The following MTMR7 variants were observed in gnomAD, a reference collection of about 807,000 sequenced individuals.
MTMR7 encodes myotubularin related protein 7, also known as phosphatidylinositol-3-phosphate phosphatase MTMR7.
In MTMR7, 76 loss-of-function variants were observed where a neutral mutation model predicts 81.2. The ratio of observed to expected loss-of-function variants is 0.94; its 90% confidence interval spans 0.78 to 1.13. The LOEUF is 1.13. Ranked by LOEUF, MTMR7 falls within the 50% of genes most tolerant of loss-of-function variation. The pLI, the probability that MTMR7 is intolerant of heterozygous loss-of-function variation, is 0.00. For missense variants in MTMR7, 1,044 were observed against 820.0 expected, an observed-to-expected ratio of 1.27 and a Z score of -3.34; for synonymous variants, 372 against 289.8, an observed-to-expected ratio of 1.28 and a Z score of -2.88.
At chr8:17,315,058 TGA>T (rs1817991082) in intron 7 of MTMR7, among the ~76,000 whole-genome samples, 1 of 152,240 alleles carries the variant, frequency 6.6e-6, no homozygotes, top group South Asian at 2.1e-4. Flanking sequence ...AGCCGTGGGC[TGA>T]GAGTTCCCAA....
At chr8:17,387,383 A>C (rs1171845608) in intron 1 of MTMR7, among the ~76,000 whole-genome samples, 2 of 152,206 alleles carry the variant, frequency 1.3e-5, no homozygotes, top group African/African-American at 4.8e-5. Context: ...TAGACTCACA[A>C]TCCAAGAAGT....
chr8:17,373,011 G>A, intron 2 of MTMR7, 107 bp downstream of exon 2: 1 of 1,361,802 alleles, frequency 7.3e-7, no homozygotes, highest in Non-Finnish European at 1.0e-6. Context: ...CCAACATCCA[G>A]GCACAAAAGC....
At chr8:17,340,258 T>G (rs1044681256) in intron 6 of MTMR7, among the ~76,000 whole-genome samples, 1 of 152,186 alleles carries the variant, frequency 6.6e-6, no homozygotes, top group African/African-American at 2.4e-5. Flanking sequence ...CAGCCCCAAT[T>G]CTTTTAACAA....
chr8:17,367,868 G>GT (rs113430159), intron 3 of MTMR7, among the ~76,000 whole-genome samples: 7,819 of 128,932 alleles, frequency 0.061, 633 homozygotes, highest in African/African-American at 0.2. Flanking sequence ...AAGGTTTGGG[G>GT]TTTTTTTTTT....
intron 1 of MTMR7, among the ~76,000 whole-genome samples, chr8:17,391,712 G>C (rs1821114485): frequency 2.6e-5 from 4 of 152,168 alleles, no homozygotes; most frequent in Admixed American, 2.6e-4. Context: ...GCCCTAAGGA[G>C]TAAAATTTAC....
intron 8 of MTMR7, among the ~76,000 whole-genome samples, chr8:17,313,087 A>G (rs955308572): frequency 1.3e-5 from 2 of 152,374 alleles, no homozygotes; most frequent in Admixed American, 6.5e-5. Context: ...CCATTTGATC[A>G]CAGTGCTGAC....
At chr8:17,399,846 A>G (rs981282335) in intron 1 of MTMR7, among the ~76,000 whole-genome samples, 37 of 150,588 alleles carry the variant, frequency 2.5e-4, no homozygotes, top group Non-Finnish European at 4.4e-5. Context: ...CATAGTACAT[A>G]TATACAATGG....
intron 8 of MTMR7, among the ~76,000 whole-genome samples, chr8:17,312,142 AAAGAAT>A (rs1457909266): frequency 6.6e-6 from 1 of 152,260 alleles, no homozygotes; most frequent in Non-Finnish European, 1.5e-5. Flanking sequence ...TCCAGTAAGA[AAAGAAT>A]ATCTATTTGC....
chr8:17,340,923 A>G (rs1317085793), intron 6 of MTMR7, among the ~76,000 whole-genome samples: 2 of 152,188 alleles, frequency 1.3e-5, no homozygotes, highest in East Asian at 3.9e-4. Flanking sequence ...AGTTCTTTCC[A>G]AGTCATAGGT....
intron 1 of MTMR7, among the ~76,000 whole-genome samples, chr8:17,397,667 C>A (rs534755823): frequency 6.6e-6 from 1 of 152,172 alleles, no homozygotes; most frequent in Non-Finnish European, 1.5e-5. Context: ...AAGGGAAGGA[C>A]ACATGCCTAA....
intron 6 of MTMR7, among the ~76,000 whole-genome samples, chr8:17,336,302 T>C (rs551780235): frequency 2.6e-4 from 40 of 152,102 alleles, no homozygotes; most frequent in Non-Finnish European, 3.8e-4. Context: ...AGATGGCTCA[T>C]GCTCAACTTC....
chr8:17,325,883 CA>C (rs2150519560), intron 7 of MTMR7, among the ~76,000 whole-genome samples: 1 of 152,276 alleles, frequency 6.6e-6, no homozygotes, highest in African/African-American at 2.4e-5. Context: ...ACCTACAGCC[CA>C]TCAACGTATC....
At position 17,304,535 on chromosome 8, in the gene MTMR7, T is replaced by G; in HGVS notation, c.1353-16A>C. ...TTCTTGAATCCTGTTATAAAGAAAA[T>G]AAGTCTATAAATGACCTATTTTGGT... is the stretch of plus-strand genomic sequence containing the variant. On this transcript the variant is annotated splice_polypyrimidine_tract_variant and intron_variant, in intron 11 of 13. Transcript: ENST00000180173. The G allele has an allele frequency of 6.2e-7, 1 of 1,610,546 alleles. No homozygotes were observed. The highest frequency in any genetic ancestry group is 8.5e-7 in the Non-Finnish European group (1 of 1,177,340).
At chr8:17,402,708 T>C (rs1821463933) in intron 1 of MTMR7, among the ~76,000 whole-genome samples, 1 of 152,244 alleles carries the variant, frequency 6.6e-6, no homozygotes, top group Admixed American at 6.5e-5. Context: ...CTGTGAATAA[T>C]GCTGCCATAA....
At chr8:17,378,528 G>C (rs1820659991) in intron 1 of MTMR7, among the ~76,000 whole-genome samples, 1 of 152,188 alleles carries the variant, frequency 6.6e-6, no homozygotes, top group South Asian at 2.1e-4. Context: ...AAAGTAATAA[G>C]GCCAGTTTTA....
At chr8:17,399,983 T>C (rs998347705) in intron 1 of MTMR7, among the ~76,000 whole-genome samples, 6 of 152,208 alleles carry the variant, frequency 3.9e-5, no homozygotes, top group South Asian at 2.1e-4. Context: ...TCCATTTCTA[T>C]ATACATTTTA....
At chr8:17,412,114 ATTTAAATTTACTGTCGGAAC>A (rs901174547) in intron 1 of MTMR7, among the ~76,000 whole-genome samples, 2 of 152,240 alleles carry the variant, frequency 1.3e-5, no homozygotes, top group African/African-American at 4.8e-5. Context: ...AATCAATACA[ATTTAAATTTACTGTCGGAAC>A]TGACATTCTC....
rs553990738 is a variant in MTMR7 at position 17,305,645 on chromosome 8, A to G, written c.1352+112T>C. 90 of 827,824 alleles carry G rather than the reference A, an allele frequency of 1.1e-4. No homozygotes were observed. In the African/African-American group the frequency reaches 1.5e-3, roughly 13 times the overall value. 51.3% of individuals were successfully genotyped at this position (827,824 alleles called of 1,614,324 possible). ...GAAAATAAAACTAATCTGTCAGTAT[A>G]GGTATGTGACTAAATGAAAAAAGTC... On this transcript the variant is annotated intron_variant, in intron 11 of 13. Coordinates refer to ENST00000180173, the MANE Select transcript of MTMR7 (RefSeq NM_004686.5).
Position 17,390,167 on chromosome 8 carries a change from G to T in MTMR7, c.25-16927C>A, listed in dbSNP as rs369123741. Among the ~76,000 whole-genome samples, 97 of 152,200 alleles carry T rather than the reference G, an allele frequency of 6.4e-4. 1 individual carries two copies. In the South Asian group the frequency reaches 0.019, roughly 30 times the overall value. ...ACTGGGTAATTTATAAAGAGAAGAG[G>T]TTTAATCGGCTCGTGGTTCTGCAGG... On this transcript the variant is annotated intron_variant, in intron 1 of 13. Coordinates refer to ENST00000180173, the MANE Select transcript of MTMR7 (RefSeq NM_004686.5).
Sources: allele counts gnomAD v4.1 joint callset (sites outside exome capture counted in the v4.1 genomes callset), GRCh38; gene constraint gnomAD v4.1.1; transcripts MANE v1.5; gene names NCBI Gene and HGNC (gene_info 2026-07-23, HGNC 2026-07-21).